CHL1: variants seen among roughly 807,000 people sequenced by gnomAD.
The protein encoded by CHL1 is neural cell adhesion molecule L1-like protein.
CHL1 carries 96 observed loss-of-function variants against 141.9 expected under a neutral mutation model. The ratio of observed to expected loss-of-function variants is 0.68; its 90% confidence interval spans 0.57 to 0.80. CHL1 has a LOEUF of 0.80. Ranked by LOEUF, CHL1 falls within the 30% of genes least tolerant of loss-of-function variation. The probability of loss-of-function intolerance (pLI) is 0.00; values close to 1 mark genes in which losing one functional copy is unlikely to be tolerated. For missense variants in CHL1, 1,820 were observed against 1,457.2 expected, an observed-to-expected ratio of 1.25 and a Z score of -4.05; for synonymous variants, 613 against 502.2, an observed-to-expected ratio of 1.22 and a Z score of -2.95.
intron 2 of CHL1, among the ~76,000 whole-genome samples, chr3:288,684 A>G (rs1697390062): frequency 6.6e-6 from 1 of 152,158 alleles, no homozygotes; most frequent in South Asian, 2.1e-4. Context: ...TTTCTGACGA[A>G]TGGCATGGGC....
At chr3:405,379 A>G (rs576388521) in intron 27 of CHL1, 116 bp from the exon 28 acceptor site, 18 of 681,062 alleles carry the variant, frequency 2.6e-5, no homozygotes, top group African/African-American at 1.8e-4. Context: ...TCTGTCTTCA[A>G]TGCTAACACA....
chr3:203,204 C>T (rs745588358), intron 1 of CHL1, among the ~76,000 whole-genome samples: 1 of 152,194 alleles, frequency 6.6e-6, no homozygotes, highest in Non-Finnish European at 1.5e-5. Context: ...AAACCAATGT[C>T]CCTTGGACTT....
chr3:317,654 GAA>G lies in CHL1; in HGVS notation c.-94-2017_-94-2016del, dbSNP rs35799872. On this transcript the variant is annotated intron_variant, in intron 2 of 27. Coordinates refer to ENST00000256509, the MANE Select transcript of CHL1 (RefSeq NM_006614.4). The stretch of plus-strand genomic sequence containing the variant: ...AGATGACTATTACCAAACTGTTTCA[GAA>G]AAAAAAAAAAACAGGAAAAAGAAAA... 2.0e-4 allele frequency among the ~76,000 whole-genome samples: 27 copies of G among 132,540 alleles called. 1 individual carries two copies. Among genetic ancestry groups the G allele is most frequent in the East Asian group, 1.1e-3 (5 of 4,360 alleles). The allele number at this position is 132,540 out of a possible 152,430, so 87.0% of individuals were successfully genotyped here. A position where few individuals can be genotyped will look rare whatever the true frequency, so the allele number is the denominator to read the frequency against.
At chr3:387,822 A>G (rs1468426022) in intron 19 of CHL1, among the ~76,000 whole-genome samples, 6 of 152,194 alleles carry the variant, frequency 3.9e-5, no homozygotes, top group Non-Finnish European at 8.8e-5. Context: ...AAAATCTCAG[A>G]AAGTTTTCAT....
chr3:310,653 G>C (rs1010343571), intron 2 of CHL1, among the ~76,000 whole-genome samples: 2 of 152,070 alleles, frequency 1.3e-5, no homozygotes, highest in African/African-American at 4.8e-5. Flanking sequence ...TCATACTACC[G>C]GTTCTGCATA....
At chr3:307,238 T>C (rs1216965036) in intron 2 of CHL1, among the ~76,000 whole-genome samples, 1 of 152,190 alleles carries the variant, frequency 6.6e-6, no homozygotes, top group Non-Finnish European at 1.5e-5. Flanking sequence ...TAGGATGAAA[T>C]TGTCCAGACA....
chr3:236,973 A>G (rs1268039154), intron 1 of CHL1, among the ~76,000 whole-genome samples: 1 of 152,174 alleles, frequency 6.6e-6, no homozygotes, highest in East Asian at 1.9e-4. Flanking sequence ...GTTAGGAAAC[A>G]CGTCATTAAT....
intron 10 of CHL1, 79 bp from the exon 11 acceptor site, chr3:354,561 A>G (rs1466599470): frequency 1.1e-5 from 16 of 1,486,570 alleles, no homozygotes; most frequent in African/African-American, 1.4e-5. Flanking sequence ...GCTGGTGCAA[A>G]GTAGAAATAC....
chr3:326,131 T>G, intron 4 of CHL1, 67 bp downstream of exon 4: 1 of 918,118 alleles, frequency 1.1e-6, no homozygotes, highest in Non-Finnish European at 1.7e-6. Flanking sequence ...TCTTTACTCT[T>G]ACCATCACAA....
At chr3:260,774 A>G (rs540974161) in intron 2 of CHL1, among the ~76,000 whole-genome samples, 5 of 152,366 alleles carry the variant, frequency 3.3e-5, no homozygotes, top group Non-Finnish European at 5.9e-5. Flanking sequence ...TTATTTCCCT[A>G]TAAACTTCAT....
intron 22 of CHL1, 111 bp downstream of exon 22, chr3:391,270 C>A: frequency 1.2e-6 from 1 of 834,184 alleles, no homozygotes; most frequent in Non-Finnish European, 1.9e-6. Flanking sequence ...AATCCCAGCA[C>A]TTTGGGAGGC....
intron 1 of CHL1, among the ~76,000 whole-genome samples, chr3:219,146 CAA>C (rs35572288): frequency 2.1e-4 from 30 of 145,444 alleles, no homozygotes; most frequent in South Asian, 6.6e-4. Flanking sequence ...GAGACTCTGT[CAA>C]AAAAAAAAAG....
chr3:235,666 C>T (rs1377914262), intron 1 of CHL1, among the ~76,000 whole-genome samples: 1 of 152,156 alleles, frequency 6.6e-6, no homozygotes, highest in East Asian at 1.9e-4. Context: ...ATTTTAATGG[C>T]CTTCTACTTC....
At chr3:282,906 A>C (rs1300540544) in intron 2 of CHL1, 8 of 152,302 alleles carry the variant, frequency 5.3e-5, no homozygotes, top group Non-Finnish European at 1.5e-5. Flanking sequence ...ACTATACTGT[A>C]TAGAATACAG....
intron 15 of CHL1, among the ~76,000 whole-genome samples, chr3:366,921 T>C (rs1704974235): frequency 1.3e-5 from 2 of 152,260 alleles, no homozygotes; most frequent in African/African-American, 4.8e-5. Flanking sequence ...CCATTTTCCT[T>C]CTACTTTTCA....
intron 2 of CHL1, among the ~76,000 whole-genome samples, chr3:293,619 A>G (rs552883743): frequency 6.6e-6 from 1 of 152,184 alleles, no homozygotes; most frequent in Non-Finnish European, 1.5e-5. Context: ...GAAATCAAAG[A>G]CCCAGCGTCA....
At chr3:348,596 C>G (rs957782471) in intron 9 of CHL1, among the ~76,000 whole-genome samples, 10 of 152,160 alleles carry the variant, frequency 6.6e-5, no homozygotes, top group African/African-American at 2.2e-4. Flanking sequence ...TTCCTCCTTA[C>G]TAAGGTGGGG....
At chr3:320,223 G>A (rs940206714) in intron 3 of CHL1, among the ~76,000 whole-genome samples, 1 of 151,922 alleles carries the variant, frequency 6.6e-6, no homozygotes, top group African/African-American at 2.4e-5. Flanking sequence ...GAAATTACTG[G>A]CATTCAACAA....
At position 391,040 on chromosome 3, in the gene CHL1, A is replaced by T. The variant is rs746120642; in HGVS notation, c.2672A>T (p.Asn891Ile). Residue 891 changes from asparagine to isoleucine, a missense_variant, in exon 22 of 28, where the codon AAC (asparagine) becomes ATC (isoleucine). By Grantham distance (149) the Asn-to-Ile change is moderately radical. Coordinates refer to ENST00000256509, the MANE Select transcript of CHL1 (RefSeq NM_006614.4). ...ATTCTAAGATTTTCAGGACAAAGAA[A>T]CTCTGGAATGGTTCCTTCCTTAGAT... Reference protein sequence around the residue: ...VNILRFSGQRNSGMVPSLDAF... With the variant: ...VNILRFSGQRISGMVPSLDAF... 6.2e-7 allele frequency: 1 copy of T among 1,614,010 alleles called. No homozygotes were observed. Among genetic ancestry groups the T allele is most frequent in the Non-Finnish European group, 8.5e-7 (1 of 1,179,850 alleles).
Sources: gnomAD v4.1 joint callset for allele counts (sites outside exome capture counted in the v4.1 genomes callset) on GRCh38, gnomAD v4.1.1 for gene constraint, MANE v1.5 for transcripts, NCBI Gene and HGNC (gene_info 2026-07-23, HGNC 2026-07-21) for gene names.